The following NCOA1 variants were observed in gnomAD, a reference collection of about 807,000 sequenced individuals.
NCOA1 encodes the protein nuclear receptor coactivator 1, also known as Hin-2 protein.
NCOA1 carries 35 observed loss-of-function variants against 150.9 expected under a neutral mutation model. The observed-to-expected ratio is 0.23, with a 90% CI of 0.18 to 0.31. The LOEUF is 0.31. NCOA1 is among the 10% of genes least tolerant of loss of function. The pLI is 1.00. For synonymous variants in NCOA1, 590 were observed against 630.0 expected, an observed-to-expected ratio of 0.94 and a Z score of 0.95; for missense variants, 1,491 against 1,749.3, an observed-to-expected ratio of 0.85 and a Z score of 2.63.
chr2:24,575,430 C>CT (rs1666913729), intron 2 of NCOA1, among the ~76,000 whole-genome samples: 1 of 152,098 alleles, frequency 6.6e-6, no homozygotes, highest in African/African-American at 2.4e-5. Context: ...GCTAAGTTCT[C>CT]TGTCAGTTCT....
chr2:24,700,143 CTAA>C (rs60674114), intron 11 of NCOA1, among the ~76,000 whole-genome samples: 7,915 of 142,992 alleles, frequency 0.055, 345 homozygotes, highest in African/African-American at 0.12. Context: ...AACTTCATCG[CTAA>C]TAATAATAAT....
chr2:24,689,084 G>T (rs1261183518), intron 8 of NCOA1, among the ~76,000 whole-genome samples: 1 of 151,590 alleles, frequency 6.6e-6, no homozygotes, highest in South Asian at 2.1e-4. Context: ...TCTAGGCTCG[G>T]TATTCTATTT....
intron 1 of NCOA1, among the ~76,000 whole-genome samples, chr2:24,521,627 G>A (rs1310487089): frequency 6.6e-6 from 1 of 152,058 alleles, no homozygotes; most frequent in African/African-American, 2.4e-5. Context: ...TTATCTATTA[G>A]TCCATCTTTG....
At chr2:24,763,803 G>GT (rs2148703128) in intron 22 of NCOA1, among the ~76,000 whole-genome samples, 1 of 151,704 alleles carries the variant, frequency 6.6e-6, no homozygotes, top group South Asian at 2.1e-4. Context: ...CGTCTTTTCA[G>GT]TAGAGACAGG....
chr2:24,548,931 G>A (rs1244024944), intron 1 of NCOA1, among the ~76,000 whole-genome samples: 2 of 152,140 alleles, frequency 1.3e-5, no homozygotes, highest in East Asian at 3.9e-4. Context: ...CAAGCTGTTG[G>A]TGGATCTACC....
At chr2:24,707,972 G>A in intron 13 of NCOA1, 84 bp downstream of exon 13, 2 of 1,440,530 alleles carry the variant, frequency 1.4e-6, no homozygotes, top group Non-Finnish European at 1.9e-6. Flanking sequence ...GACCAGATAT[G>A]AATTCATACT....
intron 17 of NCOA1, among the ~76,000 whole-genome samples, chr2:24,733,360 A>T (rs1663118282): frequency 6.6e-6 from 1 of 152,228 alleles, no homozygotes; most frequent in Non-Finnish European, 1.5e-5. Context: ...TTAGCGCACT[A>T]AAAATTAAGT....
chr2:24,494,350 C>T (rs527576192), intron 1 of NCOA1, among the ~76,000 whole-genome samples: 1 of 152,168 alleles, frequency 6.6e-6, no homozygotes, highest in Non-Finnish European at 1.5e-5. Flanking sequence ...ACCTCTGTTC[C>T]GTACTTTAGT....
At chr2:24,568,251 A>G (rs1666593913) in intron 2 of NCOA1, among the ~76,000 whole-genome samples, 1 of 152,226 alleles carries the variant, frequency 6.6e-6, no homozygotes, top group South Asian at 2.1e-4. Flanking sequence ...TCAATACTTG[A>G]GACGGGAAGT....
In NCOA1 at chr2:24,705,070, C is replaced by T; in HGVS notation, c.950-16C>T. 2 of 1,607,904 alleles carry T rather than the reference C, an allele frequency of 1.2e-6. No individual in the cohort carries two copies. Among genetic ancestry groups the T allele is most frequent in the Non-Finnish European group, 1.7e-6 (2 of 1,176,518 alleles). On this transcript the variant is annotated splice_polypyrimidine_tract_variant and intron_variant, in intron 11 of 22. Coordinates refer to ENST00000348332, the MANE Select transcript of NCOA1 (RefSeq NM_003743.5). Reference sequence around the variant, plus strand: ...GTATCAGAATTTTAACTAGGTTTCTCTTCTGTTTGAAACAGTGATGACTCG... The same window carrying T: ...GTATCAGAATTTTAACTAGGTTTCTTTTCTGTTTGAAACAGTGATGACTCG...
chr2:24,675,503 T>A (rs1218670561), intron 7 of NCOA1, among the ~76,000 whole-genome samples: 5 of 152,198 alleles, frequency 3.3e-5, no homozygotes, highest in Non-Finnish European at 5.9e-5. Flanking sequence ...TGATTAAGAA[T>A]CCCATAAGGC....
rs1671391881 is a variant in NCOA1 at position 24,665,795 on chromosome 2, C to T, written c.136C>T (p.Leu46=). 1.2e-6 allele frequency: 2 copies of T among 1,601,154 alleles called. No individual in the cohort carries two copies. Among genetic ancestry groups the T allele is most frequent in the East Asian group, 2.3e-5 (1 of 44,092 alleles). ...REQENKYLEE[L]AELLSANISD... ...GCAAGAAAATAAATATTTAGAAGAACTAGCTGAGTTACTGTCTGCCAACAT... is the reference window on the plus strand; with the variant it reads ...GCAAGAAAATAAATATTTAGAAGAATTAGCTGAGTTACTGTCTGCCAACAT... Residue 46 remains leucine (L), a synonymous_variant, in exon 6 of 23, where the codon CTA becomes TTA. Transcript: ENST00000348332.
intron 6 of NCOA1, among the ~76,000 whole-genome samples, chr2:24,672,239 A>G (rs543927433): frequency 7.6e-4 from 115 of 152,264 alleles, no homozygotes; most frequent in African/African-American, 2.7e-3. Flanking sequence ...GAAAAAAGGG[A>G]CAGAGGAGGG....
At chr2:24,682,830 T>A in intron 7 of NCOA1, 121 bp from the exon 8 acceptor site, 1 of 768,380 alleles carries the variant, frequency 1.3e-6, no homozygotes. Context: ...CACAATTTCC[T>A]TGAGGACAGA....
chr2:24,495,604 G>A (rs550783648), intron 1 of NCOA1, among the ~76,000 whole-genome samples: 3 of 152,222 alleles, frequency 2.0e-5, no homozygotes, highest in Admixed American at 6.5e-5. Context: ...GAAGCAAAAC[G>A]CACCCATTAT....
intron 1 of NCOA1, among the ~76,000 whole-genome samples, chr2:24,492,990 A>G (rs900087032): frequency 1.3e-5 from 2 of 151,276 alleles, no homozygotes; most frequent in Non-Finnish European, 2.9e-5. Flanking sequence ...CAAAACAACA[A>G]CAATAACAAC....
At chr2:24,612,585 T>C (rs1446670128) in intron 3 of NCOA1, among the ~76,000 whole-genome samples, 1 of 152,206 alleles carries the variant, frequency 6.6e-6, no homozygotes, top group Non-Finnish European at 1.5e-5. Flanking sequence ...GTTCCTTTTT[T>C]TTGAATTCTT....
At chr2:24,697,525 A>C in intron 10 of NCOA1, 133 bp from the exon 11 acceptor site, 1 of 827,418 alleles carries the variant, frequency 1.2e-6, no homozygotes, top group East Asian at 2.7e-5. Context: ...AATAAAAATT[A>C]ATAGTGCTTT....
rs112620914 is a variant in NCOA1 at position 24,530,876 on chromosome 2, C to A, written c.-395-33419C>A. ...GGGTTGATTACTATGTGGCCAAAGTCTTATGGAGATTTCTTATATATCAGA... is the reference window on the plus strand; with the variant it reads ...GGGTTGATTACTATGTGGCCAAAGTATTATGGAGATTTCTTATATATCAGA... On this transcript the variant is annotated intron_variant, in intron 1 of 22. Coordinates refer to ENST00000348332, the MANE Select transcript of NCOA1 (RefSeq NM_003743.5). Among the ~76,000 whole-genome samples, 149 of 152,252 alleles carry A rather than the reference C, an allele frequency of 9.8e-4. 1 individual carries two copies. The highest frequency in any genetic ancestry group is 3.3e-3 in the African/African-American group (137 of 41,528).
Sources: gnomAD v4.1 joint callset for allele counts (sites outside exome capture counted in the v4.1 genomes callset) on GRCh38, gnomAD v4.1.1 for gene constraint, MANE v1.5 for transcripts, NCBI Gene and HGNC (gene_info 2026-07-23, HGNC 2026-07-21) for gene names.